Variants in PALM2AKAP2 observed in about 807,000 individuals in gnomAD.
The protein encoded by PALM2AKAP2 is PALM2 and AKAP2 fusion, also known as PALM2-AKAP2 fusion protein.
A neutral mutation model predicts 71.5 loss-of-function variants in PALM2AKAP2; 37 were observed. The ratio of observed to expected loss-of-function variants is 0.52; its 90% CI spans 0.40 to 0.68. The LOEUF (loss-of-function observed/expected upper bound fraction) is 0.68. Ranked by LOEUF, PALM2AKAP2 falls within the 30% of genes least tolerant of loss-of-function variation. The probability of loss-of-function intolerance (pLI) is 0.00; values close to 1 mark genes in which losing one functional copy is unlikely to be tolerated. For missense variants in PALM2AKAP2, 1,224 were observed against 1,191.8 expected (o/e 1.03, Z -0.40); for synonymous variants, 468 against 478.8 (o/e 0.98, Z 0.29).
At chr9:109,724,976 A>G (rs1487656368) in intron 1 of PALM2AKAP2, among the ~76,000 whole-genome samples, 1 of 152,262 alleles carries the variant, frequency 6.6e-6, no homozygotes, top group Non-Finnish European at 1.5e-5. Flanking sequence ...CTTACACATC[A>G]ATAAAATATG....
chr9:110,079,108 T>C (rs886868018), intron 1 of PALM2AKAP2, among the ~76,000 whole-genome samples: 2 of 152,218 alleles, frequency 1.3e-5, no homozygotes, highest in African/African-American at 4.8e-5. Context: ...CCCTTTTGTA[T>C]GATTTGATGA....
intron 1 of PALM2AKAP2, among the ~76,000 whole-genome samples, chr9:109,644,552 T>C (rs759233697): frequency 6.6e-6 from 1 of 152,238 alleles, no homozygotes; most frequent in Admixed American, 6.5e-5. Context: ...AATATGTGTG[T>C]ATACTGATTG....
chr9:109,899,844 C>T (rs1182454485), intron 3 of PALM2AKAP2, among the ~76,000 whole-genome samples: 1 of 152,168 alleles, frequency 6.6e-6, no homozygotes, highest in Non-Finnish European at 1.5e-5. Context: ...TACCACTTTC[C>T]CTGAGCCCTA....
intron 1 of PALM2AKAP2, among the ~76,000 whole-genome samples, chr9:109,737,643 T>C (rs1415088865): frequency 6.6e-6 from 1 of 152,228 alleles, no homozygotes; most frequent in East Asian, 1.9e-4. Context: ...GCTAGGTGCA[T>C]CTACTGACCT....
intron 1 of PALM2AKAP2, among the ~76,000 whole-genome samples, chr9:109,763,018 C>T (rs1470697132): frequency 6.6e-6 from 1 of 152,106 alleles, no homozygotes; most frequent in Non-Finnish European, 1.5e-5. Context: ...GACAGAGAAG[C>T]CAAGAGAGAC....
intron 3 of PALM2AKAP2, among the ~76,000 whole-genome samples, chr9:109,884,353 T>C (rs1257952212): frequency 6.6e-6 from 1 of 152,042 alleles, no homozygotes; most frequent in Non-Finnish European, 1.5e-5. Flanking sequence ...TCCCAGCTAC[T>C]TGGGAGGTTG....
chr9:110,003,422 C>A (rs1467553686), intron 6 of PALM2AKAP2, among the ~76,000 whole-genome samples: 1 of 152,124 alleles, frequency 6.6e-6, no homozygotes, highest in Non-Finnish European at 1.5e-5. Flanking sequence ...TATTCTTTTA[C>A]ATTTGCTGAG....
chr9:109,822,765 C>T (rs1476431562), intron 1 of PALM2AKAP2, among the ~76,000 whole-genome samples: 1 of 152,086 alleles, frequency 6.6e-6, no homozygotes, highest in African/African-American at 2.4e-5. Context: ...TTGATGTCCA[C>T]CATTGATGGG....
intron 6 of PALM2AKAP2, among the ~76,000 whole-genome samples, chr9:109,954,670 A>T (rs1488718960): frequency 1.3e-5 from 2 of 150,920 alleles, no homozygotes; most frequent in African/African-American, 4.9e-5. Context: ...AAAAAAAAAA[A>T]AAAAAAAAAA....
At chr9:109,931,958 C>G in exon 6 of PALM2AKAP2, 3 of 1,614,066 alleles carry the variant, frequency 1.9e-6, no homozygotes, top group Non-Finnish European at 2.5e-6. Flanking sequence ...CCCAGCTTCC[C>G]GACCTGCCAA....
chr9:109,895,857 T>A (rs756903535), intron 3 of PALM2AKAP2, among the ~76,000 whole-genome samples: 1 of 152,120 alleles, frequency 6.6e-6, no homozygotes, highest in Non-Finnish European at 1.5e-5. Flanking sequence ...AACACATCCT[T>A]CTTTACATGG....
intron 6 of PALM2AKAP2, among the ~76,000 whole-genome samples, chr9:109,959,940 G>C (rs1233151354): frequency 6.6e-6 from 1 of 152,156 alleles, no homozygotes; most frequent in East Asian, 1.9e-4. Flanking sequence ...CTCCTACTCA[G>C]TAAGAACAGA....
chr9:110,138,202 G>C (rs888451902), exon 2 of PALM2AKAP2: 542 of 1,611,172 alleles, frequency 3.4e-4, no homozygotes, highest in Middle Eastern at 1.8e-3. Flanking sequence ...GGGAAAGGGG[G>C]CCCCCCCAGC....
intron 1 of PALM2AKAP2, among the ~76,000 whole-genome samples, chr9:109,665,680 T>C (rs1341950358): frequency 2.0e-5 from 3 of 152,238 alleles, no homozygotes; most frequent in African/African-American, 4.8e-5. Flanking sequence ...CTGTCCGTTG[T>C]TGGAGCTCAA....
chr9:109,860,210 T>A (rs912936160), intron 1 of PALM2AKAP2, among the ~76,000 whole-genome samples: 1 of 152,226 alleles, frequency 6.6e-6, no homozygotes, highest in Non-Finnish European at 1.5e-5. Context: ...ATTTTTTTTA[T>A]GCTTGATTAC....
At chr9:110,038,812 G>A (rs1833461873) in intron 7 of PALM2AKAP2, among the ~76,000 whole-genome samples, 1 of 151,330 alleles carries the variant, frequency 6.6e-6, no homozygotes, top group East Asian at 1.9e-4. Context: ...CTGGTGGAGG[G>A]CGCTTGTAAT....
intron 1 of PALM2AKAP2, among the ~76,000 whole-genome samples, chr9:110,049,941 C>G (rs539125206): frequency 6.6e-6 from 1 of 152,170 alleles, no homozygotes; most frequent in African/African-American, 2.4e-5. Context: ...ACAAAGAGGG[C>G]GTCTGGGAGG....
At chr9:109,720,349 T>C (rs1828386641) in intron 1 of PALM2AKAP2, among the ~76,000 whole-genome samples, 1 of 152,066 alleles carries the variant, frequency 6.6e-6, no homozygotes, top group South Asian at 2.1e-4. Context: ...AGGGAACAGA[T>C]GATGTGAAGG....
intron 1 of PALM2AKAP2, among the ~76,000 whole-genome samples, chr9:109,691,692 G>A (rs921363304): frequency 3.3e-5 from 5 of 150,642 alleles, no homozygotes; most frequent in Admixed American, 2.7e-4. Context: ...AAGACTCTTC[G>A]ATGTTGGAAG....
Sources: allele counts gnomAD v4.1 joint callset (sites outside exome capture counted in the v4.1 genomes callset), GRCh38; gene constraint gnomAD v4.1.1; transcripts MANE v1.5; gene names NCBI Gene and HGNC (gene_info 2026-07-23, HGNC 2026-07-21).